Variants in CAMK4 observed in about 807,000 individuals in gnomAD.
CAMK4 encodes calcium/calmodulin dependent protein kinase IV.
CAMK4 carries 22 observed loss-of-function variants against 44.9 expected under a neutral mutation model. The ratio of observed to expected loss-of-function variants is 0.49; its 90% CI spans 0.35 to 0.70. The LOEUF is 0.70. CAMK4 is among the 30% of genes least tolerant of loss of function. The probability of loss-of-function intolerance (pLI) is 0.01; values close to 1 mark genes in which losing one functional copy is unlikely to be tolerated. For missense variants in CAMK4, 498 were observed against 586.8 expected, an observed-to-expected ratio of 0.85 and a Z score of 1.56; for synonymous variants, 218 against 215.4, an observed-to-expected ratio of 1.01 and a Z score of -0.11.
intron 1 of CAMK4, among the ~76,000 whole-genome samples, chr5:111,252,054 C>T (rs576862053): frequency 8.3e-4 from 127 of 152,296 alleles, no homozygotes; most frequent in Non-Finnish European, 1.5e-3. Context: ...TAACAGAAAG[C>T]ATCTGGGCTA....
At position 111,482,950 on chromosome 5, in the gene CAMK4, A is replaced by G; in HGVS notation, c.981+13A>G. 1 of 1,583,962 alleles carries G rather than the reference A, an allele frequency of 6.3e-7. No individual in the cohort carries two copies. The highest frequency in any genetic ancestry group is 8.5e-7 in the Non-Finnish European group (1 of 1,170,074). On this transcript the variant is annotated intron_variant, in intron 10 of 10. Coordinates refer to ENST00000282356, the MANE Select transcript of CAMK4 (RefSeq NM_001744.6). This position sits in a 1 kb window ranked among gnomAD's most constrained non-coding sequence, Gnocchi z 4.9. ...GCGTAAGCTTAAGGTAAGATAGCAT[A>G]TATTTTGTTTTGTTTTGTTTTGTTT...
intron 1 of CAMK4, among the ~76,000 whole-genome samples, chr5:111,240,862 C>G (rs764458471): frequency 1.3e-5 from 2 of 152,116 alleles, no homozygotes; most frequent in Non-Finnish European, 2.9e-5. Flanking sequence ...AACCCTATGA[C>G]TTTAGTAGAT....
rs1029887413 is a variant in CAMK4, at chr5:111,491,534, T to G, written c.*7068T>G. The G allele has an allele frequency of 2.6e-5, 4 of 152,162 alleles. No individual in the cohort carries two copies. The highest frequency in any genetic ancestry group is 5.9e-5 in the Non-Finnish European group (4 of 68,022). The allele number at this position is 152,162 out of a possible 1,614,324, so 9.4% of individuals were successfully genotyped here. A position where few individuals can be genotyped will look rare whatever the true frequency, so the allele number is the denominator to read the frequency against. ...TTGCAGATGCTCTCACAACAATAAT[T>G]GTGCTGGAGATAGATACAACTTAGT... On this transcript the variant is annotated 3_prime_UTR_variant, in exon 11 of 11. Transcript: ENST00000282356.
intron 1 of CAMK4, among the ~76,000 whole-genome samples, chr5:111,276,363 G>A (rs1750761595): frequency 6.6e-6 from 1 of 152,038 alleles, no homozygotes. Flanking sequence ...CCAAAATCTT[G>A]CAGCTATCTT....
At chr5:111,408,531 G>T (rs1443085829) in intron 5 of CAMK4, among the ~76,000 whole-genome samples, 3 of 152,060 alleles carry the variant, frequency 2.0e-5, no homozygotes, top group Non-Finnish European at 2.9e-5. Flanking sequence ...GGTGAGATTT[G>T]GGTGGGGACA....
rs1012492117 is a variant in CAMK4, at chr5:111,343,894, C to G, written c.162-130C>G. On this transcript the variant is annotated intron_variant, in intron 1 of 10. Transcript: ENST00000282356. ...AATACTCTTGACAGCTAGGGCTGGT[C>G]CTATAATAGAACTTATAATAAGCAC... 6.6e-6 allele frequency: 4 copies of G among 601,948 alleles called. No homozygotes were observed. The African/African-American group carries it at 7.6e-5, about 11-fold the overall frequency. The allele number at this position is 601,948 out of a possible 1,614,324, so 37.3% of individuals were successfully genotyped here.
chr5:111,379,722 A>G (rs1751345219), intron 4 of CAMK4, among the ~76,000 whole-genome samples: 1 of 152,088 alleles, frequency 6.6e-6, no homozygotes, highest in Non-Finnish European at 1.5e-5. Context: ...TCTAATGATG[A>G]CTCTAATAGT....
chr5:111,261,351 T>G (rs529045679), intron 1 of CAMK4, among the ~76,000 whole-genome samples: 4 of 152,336 alleles, frequency 2.6e-5, no homozygotes, highest in Admixed American at 1.3e-4. Context: ...TATTGTTTGC[T>G]AAGCGTAGCA....
At chr5:111,303,816 A>C (rs1561397381) in intron 1 of CAMK4, among the ~76,000 whole-genome samples, 1 of 143,906 alleles carries the variant, frequency 6.9e-6, no homozygotes, top group Non-Finnish European at 1.5e-5. Context: ...AGTTGAAATG[A>C]AGGAAAAAAT....
chr5:111,281,929 G>C (rs935808919), intron 1 of CAMK4, among the ~76,000 whole-genome samples: 12 of 151,866 alleles, frequency 7.9e-5, no homozygotes, highest in African/African-American at 2.9e-4. Context: ...GAGGTGGCGG[G>C]CGCCTGTAGT....
At position 111,376,888 on chromosome 5, in the gene CAMK4, C is replaced by G; in HGVS notation, c.332C>G (p.Pro111Arg). ...AAACTTAAAGAGATATTTGAAACCCCTACAGAAATCAGTCTGGTCCTAGAA... is the reference window on the plus strand; with the variant it reads ...AAACTTAAAGAGATATTTGAAACCCGTACAGAAATCAGTCTGGTCCTAGAA... ...IIKLKEIFETPTEISLVLELV... is the reference protein window; with the variant it reads ...IIKLKEIFETRTEISLVLELV... The change falls in exon 4 of 11, where the codon CCT becomes CGT. Residue 111 changes from proline to arginine, a missense_variant. Transcript: ENST00000282356. The G allele has an allele frequency of 6.2e-7, 1 of 1,604,232 alleles. No individual in the cohort carries two copies.
chr5:111,402,278 T>C (rs938590382), intron 5 of CAMK4, among the ~76,000 whole-genome samples: 1 of 152,240 alleles, frequency 6.6e-6, no homozygotes, highest in African/African-American at 2.4e-5. Flanking sequence ...GAATGGGTTT[T>C]AGGTTTGGAG....
At chr5:111,249,642 A>ATG (rs1749394822) in intron 1 of CAMK4, among the ~76,000 whole-genome samples, 1 of 129,784 alleles carries the variant, frequency 7.7e-6, no homozygotes, top group African/African-American at 3.0e-5. Context: ...ATATATATAT[A>ATG]TATGTGTGTG....
At chr5:111,326,166 A>G (rs912377142) in intron 1 of CAMK4, among the ~76,000 whole-genome samples, 8 of 151,986 alleles carry the variant, frequency 5.3e-5, no homozygotes, top group African/African-American at 1.9e-4. Flanking sequence ...TAAAATGCTA[A>G]AAGTTGGCCC....
At chr5:111,226,797 T>C (rs1293554310) in intron 1 of CAMK4, among the ~76,000 whole-genome samples, 1 of 152,232 alleles carries the variant, frequency 6.6e-6, no homozygotes, top group Admixed American at 6.5e-5. Context: ...GAGAGTATCC[T>C]ACCATGTATA....
chr5:111,395,236 A>G (rs1203034543), intron 5 of CAMK4, among the ~76,000 whole-genome samples: 12 of 150,902 alleles, frequency 8.0e-5, no homozygotes, highest in East Asian at 1.9e-4. Flanking sequence ...AAGAAAAAAA[A>G]AAAGAAAAAG....
chr5:111,385,883 T>C (rs1751583255), intron 4 of CAMK4, among the ~76,000 whole-genome samples: 1 of 152,154 alleles, frequency 6.6e-6, no homozygotes, highest in Non-Finnish European at 1.5e-5. Context: ...CTGCAATATA[T>C]ATATCTTTTG....
intron 7 of CAMK4, among the ~76,000 whole-genome samples, chr5:111,454,091 T>A (rs978747605): frequency 2.0e-5 from 3 of 152,186 alleles, no homozygotes; most frequent in African/African-American, 4.8e-5. Context: ...AACATCATAA[T>A]ATATATAAAG....
chr5:111,446,033 C>G (rs562645410), intron 5 of CAMK4, among the ~76,000 whole-genome samples: 61 of 152,232 alleles, frequency 4.0e-4, no homozygotes, highest in African/African-American at 1.3e-3. Context: ...CGTGATTTTA[C>G]AAAATAATTT....
Sources: gnomAD v4.1 joint callset for allele counts (sites outside exome capture counted in the v4.1 genomes callset) on GRCh38, gnomAD v4.1.1 for gene constraint, Gnocchi (gnomAD v3.1) non-coding constraint, MANE v1.5 for transcripts, NCBI Gene and HGNC (gene_info 2026-07-23, HGNC 2026-07-21) for gene names.